Variants in DENND11 observed in about 807,000 individuals in gnomAD.
The protein encoded by DENND11 is DENN domain-containing protein 11.
In DENND11, 34 loss-of-function variants were observed where a neutral mutation model predicts 49.2. The ratio of observed to expected loss-of-function variants is 0.69; its 90% CI spans 0.53 to 0.92. The LOEUF is 0.92. Among genes scored for constraint, DENND11 ranks in the 40% least tolerant of loss-of-function variants. DENND11 has a pLI of 0.00. For synonymous variants in DENND11, 238 were observed against 230.3 expected, an observed-to-expected ratio of 1.03 and a Z score of -0.30; for missense variants, 475 against 581.6, an observed-to-expected ratio of 0.82 and a Z score of 1.88.
chr7:141,668,718 T>C (rs1392154459), intron 4 of DENND11, among the ~76,000 whole-genome samples: 1 of 152,256 alleles, frequency 6.6e-6, no homozygotes, highest in Non-Finnish European at 1.5e-5. Flanking sequence ...CCCAGGCCCA[T>C]GCCAGGGAAG....
At chr7:141,674,927 C>A (rs989278111) in intron 3 of DENND11, among the ~76,000 whole-genome samples, 2 of 152,120 alleles carry the variant, frequency 1.3e-5, no homozygotes, top group Admixed American at 6.5e-5. Flanking sequence ...ATCCTGCCCC[C>A]CAGTGGAGCG....
intron 3 of DENND11, among the ~76,000 whole-genome samples, chr7:141,684,390 GT>G (rs1272372504): frequency 1.3e-5 from 2 of 152,094 alleles, no homozygotes; most frequent in Non-Finnish European, 2.9e-5. Flanking sequence ...GTCAAATTAT[GT>G]TTAATATATT....
intron 1 of DENND11, among the ~76,000 whole-genome samples, chr7:141,700,174 A>G (rs922321323): frequency 1.3e-5 from 2 of 152,060 alleles, no homozygotes; most frequent in African/African-American, 4.8e-5. Flanking sequence ...ACTAAATCAG[A>G]CCGTGTGAAT....
At chr7:141,699,232 A>AG (rs1383682593) in intron 1 of DENND11, among the ~76,000 whole-genome samples, 1 of 152,090 alleles carries the variant, frequency 6.6e-6, no homozygotes, top group Admixed American at 6.5e-5. Flanking sequence ...TCAGCAGTAA[A>AG]GGGGGGAAGA....
intron 3 of DENND11, among the ~76,000 whole-genome samples, chr7:141,676,704 A>G (rs898362345): frequency 6.6e-6 from 1 of 152,252 alleles, no homozygotes; most frequent in African/African-American, 2.4e-5. Flanking sequence ...ATATCAAGAA[A>G]AACCAAAAAG....
rs1341136828 is a variant in DENND11 at position 141,659,871 on chromosome 7, C to T, written c.*2785G>A. 1 of 152,170 alleles carries T rather than the reference C, an allele frequency of 6.6e-6. No individual in the cohort carries two copies. The highest frequency in any genetic ancestry group is 1.5e-5 in the Non-Finnish European group (1 of 68,042). 9.4% of individuals were successfully genotyped at this position (152,170 alleles called of 1,614,324 possible). A position where few individuals can be genotyped will look rare whatever the true frequency, so the allele number is the denominator to read the frequency against. On this transcript the variant is annotated 3_prime_UTR_variant, in exon 9 of 9. Coordinates refer to ENST00000536163, the MANE Select transcript of DENND11 (RefSeq NM_001080392.2). ...GACCTAGAAGTCTGTGAACGATGTT[C>T]AGCACTTTCTTCTGAACAAAAGCAG...
intron 1 of DENND11, among the ~76,000 whole-genome samples, chr7:141,687,233 C>G (rs537733415): frequency 1.3e-5 from 2 of 152,320 alleles, no homozygotes; most frequent in East Asian, 3.9e-4. Flanking sequence ...CCCCTCCTCT[C>G]TCTCTCCTCT....
chr7:141,684,851 T>C (rs1798207395), intron 3 of DENND11, among the ~76,000 whole-genome samples: 1 of 151,562 alleles, frequency 6.6e-6, no homozygotes, highest in Non-Finnish European at 1.5e-5. Context: ...AAATGTAAAG[T>C]AACTAATCGT....
At position 141,659,440 on chromosome 7, in the gene DENND11, C is replaced by A. The variant is rs1797753604; in HGVS notation, c.*3216G>T. On this transcript the variant is annotated 3_prime_UTR_variant, in exon 9 of 9. Coordinates refer to ENST00000536163, the MANE Select transcript of DENND11 (RefSeq NM_001080392.2). ...AAACTCCTTGTGGAGAGTCCTAAGC[C>A]AGGGGCCAACTGGACATTTTCCCAA... is the stretch of plus-strand genomic sequence containing the variant. 1 of 152,210 alleles carries A rather than the reference C, an allele frequency of 6.6e-6. No homozygotes were observed. Among genetic ancestry groups the A allele is most frequent in the Admixed American group, 6.5e-5 (1 of 15,284 alleles). 9.4% of individuals were successfully genotyped at this position (152,210 alleles called of 1,614,324 possible).
chr7:141,673,900 TTA>T (rs1279157885), intron 4 of DENND11, among the ~76,000 whole-genome samples, 165 bp downstream of exon 4: 2 of 152,248 alleles, frequency 1.3e-5, no homozygotes, highest in Non-Finnish European at 2.9e-5. Flanking sequence ...ATAACTTGCC[TTA>T]TGTTTTAAAA....
At position 141,661,578 on chromosome 7, in the gene DENND11, TTG is replaced by T. The variant is rs1458938652; in HGVS notation, c.*1076_*1077del. 5 of 152,192 alleles carry T rather than the reference TTG, an allele frequency of 3.3e-5. No individual in the cohort carries two copies. Among genetic ancestry groups the T allele is most frequent in the Non-Finnish European group, 7.3e-5 (5 of 68,052 alleles). 9.4% of individuals were successfully genotyped at this position (152,192 alleles called of 1,614,324 possible). ...TCACCTCTGCTAAAGAGAAGTGTGT[TTG>T]TGAGGGGTCCAAAATGATAAACCGT... On this transcript the variant is annotated 3_prime_UTR_variant, in exon 9 of 9. Coordinates refer to ENST00000536163, the MANE Select transcript of DENND11 (RefSeq NM_001080392.2).
At chr7:141,697,365 T>C (rs1402206043) in intron 1 of DENND11, among the ~76,000 whole-genome samples, 1 of 152,164 alleles carries the variant, frequency 6.6e-6, no homozygotes, top group African/African-American at 2.4e-5. Context: ...CACAAGCAGG[T>C]GAATCACCAA....
chr7:141,686,712 G>C, intron 1 of DENND11, 54 bp from the exon 2 acceptor site: 2 of 1,284,808 alleles, frequency 1.6e-6, no homozygotes, highest in Non-Finnish European at 2.2e-6. Context: ...CAAAGAAAAT[G>C]GGTTAGTACA....
chr7:141,680,748 G>T (rs1798136836), intron 3 of DENND11, among the ~76,000 whole-genome samples: 1 of 151,880 alleles, frequency 6.6e-6, no homozygotes, highest in Non-Finnish European at 1.5e-5. Flanking sequence ...AATGTAATGG[G>T]GAGACAGCTT....
rs555403217 is a variant in DENND11, at chr7:141,664,419, TAATCTTAGGCAAGTAAC to T, written c.1104-196_1104-180del. 1.3e-3 allele frequency among the ~76,000 whole-genome samples: 191 copies of T among 152,280 alleles called. 5 individuals carry two copies. The East Asian group carries it at 0.031, about 25-fold the overall frequency. ...GGTCCAGGGCCAGTTCTGCCCCTGGTAATCTTAGGCAAGTAACAATCTCCTAGTTGTCTATCAGAAGG... is the reference window on the plus strand; with the variant it reads ...GGTCCAGGGCCAGTTCTGCCCCTGGTAATCTCCTAGTTGTCTATCAGAAGG... On this transcript the variant is annotated intron_variant, in intron 7 of 8. Transcript: ENST00000536163.
chr7:141,660,940 C>A lies in DENND11; in HGVS notation c.*1716G>T, dbSNP rs903520571. 3 of 152,470 alleles carry A rather than the reference C, an allele frequency of 2.0e-5. No homozygotes were observed. The allele number at this position is 152,470 out of a possible 1,614,324, so 9.4% of individuals were successfully genotyped here. A position where few individuals can be genotyped will look rare whatever the true frequency, so the allele number is the denominator to read the frequency against. ...AGCTGTACAGTTTACATTTCAATGCCCAAACTTATTTATATATTTACATAA... is the reference window on the plus strand; with the variant it reads ...AGCTGTACAGTTTACATTTCAATGCACAAACTTATTTATATATTTACATAA... On this transcript the variant is annotated 3_prime_UTR_variant, in exon 9 of 9. Coordinates refer to ENST00000536163, the MANE Select transcript of DENND11 (RefSeq NM_001080392.2).
rs527659994 is a variant in DENND11 at position 141,683,649 on chromosome 7, C to A, written c.527+1829G>T. Among the ~76,000 whole-genome samples the A allele has an allele frequency of 1.7e-4, 26 of 152,106 alleles. No homozygotes were observed. In the East Asian group the frequency reaches 5.0e-3, roughly 29 times the overall value. On this transcript the variant is annotated intron_variant, in intron 3 of 8. Coordinates refer to ENST00000536163, the MANE Select transcript of DENND11 (RefSeq NM_001080392.2). The stretch of plus-strand genomic sequence containing the variant: ...CAGAGTGAGACTCCATCTCAACAAA[C>A]AAAAACAACAACAACAAAACAAAAC...
intron 2 of DENND11, 115 bp from the exon 3 acceptor site, chr7:141,685,751 A>G: frequency 1.7e-6 from 2 of 1,170,400 alleles, no homozygotes; most frequent in Admixed American, 4.5e-5. Context: ...GCTCAGCCTC[A>G]AGAAAACAAG....
Position 141,685,584 on chromosome 7 carries a change from C to T in DENND11, c.421G>A (p.Val141Met), listed in dbSNP as rs537802916. Residue 141 changes from valine to methionine, a missense_variant, in exon 3 of 9, where the codon GTG (valine) becomes ATG (methionine). Val to Met is a conservative substitution (Grantham distance 21). Transcript: ENST00000536163. ...GCGCCACGTTCCAGCTCGCTCTCCACGGGCATGTTGGCAAAGCAGGCCAGG... is the reference window on the plus strand; with the variant it reads ...GCGCCACGTTCCAGCTCGCTCTCCATGGGCATGTTGGCAAAGCAGGCCAGG... Reference protein sequence around the residue: ...FGLACFANMPVESELERGARM... With the variant: ...FGLACFANMPMESELERGARM... 4.7e-5 allele frequency: 76 copies of T among 1,613,978 alleles called. No homozygotes were observed. The highest frequency in any genetic ancestry group is 1.8e-4 in the East Asian group (8 of 44,868).
Sources: gnomAD v4.1 joint callset for allele counts (sites outside exome capture counted in the v4.1 genomes callset) on GRCh38, gnomAD v4.1.1 for gene constraint, MANE v1.5 for transcripts, NCBI Gene and HGNC (gene_info 2026-07-23, HGNC 2026-07-21) for gene names.